The following KCNJ16 variants were observed in gnomAD, a reference collection of about 807,000 sequenced individuals.
KCNJ16 encodes the protein inward rectifier potassium channel 16.
A neutral mutation model predicts 18.5 loss-of-function variants in KCNJ16; 15 were observed. The ratio of observed to expected loss-of-function variants is 0.81; its 90% CI spans 0.54 to 1.25. KCNJ16 has a LOEUF of 1.25. KCNJ16 is among the 50% of genes most tolerant of loss of function. KCNJ16 has a pLI of 0.00. For missense variants in KCNJ16, 523 were observed against 525.7 expected, an observed-to-expected ratio of 0.99 and a Z score of 0.05; for synonymous variants, 174 against 186.5, an observed-to-expected ratio of 0.93 and a Z score of 0.55.
At chr17:70,130,792 AG>A (rs1354188852) in intron 2 of KCNJ16, 86 bp from the exon 3 acceptor site, 2 of 658,096 alleles carry the variant, frequency 3.0e-6, no homozygotes, top group African/African-American at 1.8e-5. Context: ...CATCTAGCAC[AG>A]GTAGACTGTG....
rs573364332 is a variant in KCNJ16 at position 70,086,603 on chromosome 17, T to C, written c.-300+11213T>C. ...TCTTGAAGAAATAGGATGTTTACTA[T>C]TTAAGTTGGGAAAAAAATTGGCAGT... On this transcript the variant is annotated intron_variant, in intron 1 of 3. Coordinates refer to ENST00000392671, the MANE Select transcript of KCNJ16 (RefSeq NM_170741.4). Among the ~76,000 whole-genome samples the C allele has an allele frequency of 3.0e-4, 46 of 152,318 alleles. 1 individual carries two copies. Among genetic ancestry groups the C allele is most frequent in the African/African-American group, 1.1e-3 (46 of 41,572 alleles).
chr17:70,078,011 A>G (rs1207877379), intron 1 of KCNJ16, among the ~76,000 whole-genome samples: 3 of 152,210 alleles, frequency 2.0e-5, no homozygotes, highest in Non-Finnish European at 4.4e-5. Context: ...TTTAGGGCCT[A>G]TGGACCCTAG....
intron 1 of KCNJ16, among the ~76,000 whole-genome samples, chr17:70,092,541 T>G (rs57489828): frequency 0.16 from 2,401 of 14,616 alleles, 66 homozygotes; most frequent in East Asian, 0.24. Flanking sequence ...CAGATAGATA[T>G]AGATAGATAT....
At chr17:70,126,885 T>C (rs1426755412) in intron 2 of KCNJ16, among the ~76,000 whole-genome samples, 1 of 152,136 alleles carries the variant, frequency 6.6e-6, no homozygotes, top group African/African-American at 2.4e-5. Context: ...TAAAACAGCA[T>C]TTGGGGAGAG....
At chr17:70,096,821 G>GC (rs894865154) in intron 1 of KCNJ16, 3 of 395,114 alleles carry the variant, frequency 7.6e-6, no homozygotes, top group Non-Finnish European at 1.3e-5. Flanking sequence ...TACTGGTAAA[G>GC]CAAGTTACAG....
intron 2 of KCNJ16, among the ~76,000 whole-genome samples, chr17:70,127,676 G>A: frequency 6.6e-6 from 1 of 151,988 alleles, no homozygotes; most frequent in Middle Eastern, 3.2e-3. Context: ...TGTCTTCAAA[G>A]GCAATGACCT....
At chr17:70,122,005 T>G (rs1244115178) in intron 2 of KCNJ16, among the ~76,000 whole-genome samples, 1 of 151,904 alleles carries the variant, frequency 6.6e-6, no homozygotes, top group Non-Finnish European at 1.5e-5. Context: ...AGGGCAAAAA[T>G]AGGAGACCTC....
intron 1 of KCNJ16, among the ~76,000 whole-genome samples, 194 bp downstream of exon 1, chr17:70,075,584 T>C (rs1004778168): frequency 1.3e-5 from 2 of 152,194 alleles, no homozygotes; most frequent in Non-Finnish European, 2.9e-5. Flanking sequence ...TCATATTCCT[T>C]AAGTTATTTT....
intron 3 of KCNJ16, chr17:70,131,223 G>GA (rs1022632931): frequency 0.01 from 5,633 of 556,724 alleles, 2 homozygotes; most frequent in Non-Finnish European, 0.011. Context: ...AGAAAGAAAA[G>GA]AAAAAAAAAA....
rs763106618 is a variant in KCNJ16, at chr17:70,132,745, C to T, written c.658C>T (p.Leu220Phe). Residue 220 changes from leucine to phenylalanine, a missense_variant, in exon 4 of 4, where the codon CTT becomes TTT. Leu to Phe is a conservative substitution (Grantham distance 22). Coordinates refer to ENST00000392671, the MANE Select transcript of KCNJ16 (RefSeq NM_170741.4). ...GGTAGAAGGAACAGTTAGAGCCCAA[C>T]TTCTCCGCTATACAGAAGACAGTGA... ...HVVEGTVRAQ[L>F]LRYTEDSEGR... is the part of the protein sequence containing the mutation. 1.1e-5 allele frequency: 18 copies of T among 1,613,920 alleles called. 1 individual carries two copies. In the South Asian group the frequency reaches 1.9e-4, roughly 17 times the overall value.
intron 2 of KCNJ16, among the ~76,000 whole-genome samples, chr17:70,120,187 C>T (rs773506268): frequency 4.6e-5 from 7 of 152,174 alleles, no homozygotes; most frequent in African/African-American, 9.7e-5. Context: ...CTCCAGTTCC[C>T]AATAAGTTCC....
intron 2 of KCNJ16, among the ~76,000 whole-genome samples, chr17:70,120,135 C>G (rs1246422749): frequency 1.3e-5 from 2 of 152,306 alleles, no homozygotes; most frequent in Admixed American, 1.3e-4. Flanking sequence ...ATCCCTAGGG[C>G]AGAGGCACAA....
intron 1 of KCNJ16, among the ~76,000 whole-genome samples, chr17:70,092,298 A>G (rs1423588755): frequency 6.6e-6 from 1 of 152,200 alleles, no homozygotes; most frequent in East Asian, 1.9e-4. Context: ...TACCATGTGA[A>G]GTCAAAGAAC....
chr17:70,120,772 G>A (rs1272217624), intron 2 of KCNJ16, among the ~76,000 whole-genome samples: 17 of 152,230 alleles, frequency 1.1e-4, no homozygotes, highest in South Asian at 2.1e-4. Context: ...CTGGCCCCAC[G>A]GCAACCCCAC....
chr17:70,121,654 G>C (rs1024144464), intron 2 of KCNJ16, among the ~76,000 whole-genome samples: 1 of 152,160 alleles, frequency 6.6e-6, no homozygotes, highest in Non-Finnish European at 1.5e-5. Context: ...AGAGGGCTGC[G>C]TGTAGTGGGT....
chr17:70,120,482 A>G lies in KCNJ16; in HGVS notation c.-190-10397A>G, dbSNP rs561869958. Among the ~76,000 whole-genome samples the G allele has an allele frequency of 2.0e-5, 3 of 152,318 alleles. No homozygotes were observed. The South Asian group carries it at 6.2e-4, about 32-fold the overall frequency. On this transcript the variant is annotated intron_variant, in intron 2 of 3. Coordinates refer to ENST00000392671, the MANE Select transcript of KCNJ16 (RefSeq NM_170741.4). ...CTGAGACTGGGTAATTTATAAAGAA[A>G]AGAAGTTTAATTGGCTCACGGTTAT...
chr17:70,114,775 GA>G (rs921800088), intron 2 of KCNJ16, among the ~76,000 whole-genome samples: 14 of 152,112 alleles, frequency 9.2e-5, no homozygotes, highest in African/African-American at 1.7e-4. Flanking sequence ...AATGGCGGGG[GA>G]AAAAAATGCC....
intron 2 of KCNJ16, among the ~76,000 whole-genome samples, chr17:70,108,127 G>A (rs140143881): frequency 9.9e-5 from 15 of 152,244 alleles, no homozygotes; most frequent in Admixed American, 2.0e-4. Context: ...CAGAGTATTC[G>A]TAACTGCATT....
At chr17:70,091,120 C>T (rs192414307) in intron 1 of KCNJ16, among the ~76,000 whole-genome samples, 15 of 152,108 alleles carry the variant, frequency 9.9e-5, no homozygotes, top group African/African-American at 3.6e-4. Context: ...AAAGTGATAG[C>T]CCAATCTACC....
Sources: gnomAD v4.1 joint callset for allele counts (sites outside exome capture counted in the v4.1 genomes callset) on GRCh38, gnomAD v4.1.1 for gene constraint, MANE v1.5 for transcripts, NCBI Gene and HGNC (gene_info 2026-07-23, HGNC 2026-07-21) for gene names.